CNKSR3: variants seen among roughly 807,000 people sequenced by gnomAD.
CNKSR3 encodes connector enhancer of kinase suppressor of ras 3.
In CNKSR3, 36 loss-of-function variants were observed where a neutral mutation model predicts 67.7. That is an observed-to-expected ratio of 0.53 (90% CI 0.41 to 0.70). The LOEUF is 0.70. Ranked by LOEUF, CNKSR3 falls within the 30% of genes least tolerant of loss-of-function variation. The pLI, the probability that CNKSR3 is intolerant of heterozygous loss-of-function variation, is 0.00. For synonymous variants in CNKSR3, 281 were observed against 271.4 expected (o/e 1.04, Z -0.35); for missense variants, 630 against 695.2 (o/e 0.91, Z 1.05).
chr6:154,428,254 T>G (rs1785295061), intron 6 of CNKSR3, 67 bp from the exon 7 acceptor site: 2 of 985,672 alleles, frequency 2.0e-6, no homozygotes, highest in Admixed American at 1.7e-5. Flanking sequence ...CGAGTGAGAC[T>G]TAAACTTATA....
chr6:154,433,413 C>G, intron 5 of CNKSR3, 53 bp downstream of exon 5: 1 of 1,247,300 alleles, frequency 8.0e-7, no homozygotes, highest in Non-Finnish European at 1.2e-6. Context: ...TAATGTGATT[C>G]CCACTGCCTT....
At position 154,389,632 on chromosome 6, in the gene CNKSR3, C is replaced by T. The variant is rs963154748; in HGVS notation, c.*16722G>A. On this transcript the variant is annotated 3_prime_UTR_variant, in exon 13 of 13. Transcript: ENST00000607772. ...TTTTGTCCCTGTCTTCAGATGACATCGTCTCATATATAGAACGCCCTAAGA... is the reference window on the plus strand; with the variant it reads ...TTTTGTCCCTGTCTTCAGATGACATTGTCTCATATATAGAACGCCCTAAGA... 4.6e-5 allele frequency: 7 copies of T among 152,060 alleles called. No individual in the cohort carries two copies. The highest frequency in any genetic ancestry group is 1.7e-4 in the African/African-American group (7 of 41,364). The allele number at this position is 152,060 out of a possible 1,614,324, so 9.4% of individuals were successfully genotyped here.
At chr6:154,501,585 T>C (rs1384043918) in intron 1 of CNKSR3, among the ~76,000 whole-genome samples, 1 of 152,026 alleles carries the variant, frequency 6.6e-6, no homozygotes, top group Admixed American at 6.6e-5. Flanking sequence ...TAGAATGCCC[T>C]TCTCCCTAAT....
At chr6:154,425,473 G>A (rs906941562) in intron 7 of CNKSR3, among the ~76,000 whole-genome samples, 4 of 152,166 alleles carry the variant, frequency 2.6e-5, no homozygotes, top group African/African-American at 9.7e-5. Flanking sequence ...TTCACCATGA[G>A]GAGGACTACT....
At chr6:154,505,590 C>CG (rs1787083862) in intron 1 of CNKSR3, among the ~76,000 whole-genome samples, 1 of 150,424 alleles carries the variant, frequency 6.6e-6, no homozygotes, top group Admixed American at 6.6e-5. Context: ...CTCCGCCTCC[C>CG]GGGTTCATGC....
chr6:154,482,682 G>C (rs945650796), intron 1 of CNKSR3, among the ~76,000 whole-genome samples: 1 of 152,202 alleles, frequency 6.6e-6, no homozygotes, highest in Non-Finnish European at 1.5e-5. Context: ...AGAAGGTGCT[G>C]ACCCCCAACT....
chr6:154,403,799 C>G lies in CNKSR3; in HGVS notation c.*2555G>C, dbSNP rs970295494. 6 of 152,096 alleles carry G rather than the reference C, an allele frequency of 3.9e-5. No individual in the cohort carries two copies. The highest frequency in any genetic ancestry group is 1.4e-4 in the African/African-American group (6 of 41,404). The allele number at this position is 152,096 out of a possible 1,614,324, so 9.4% of individuals were successfully genotyped here. A position where few individuals can be genotyped will look rare whatever the true frequency, so the allele number is the denominator to read the frequency against. On this transcript the variant is annotated 3_prime_UTR_variant, in exon 13 of 13. Coordinates refer to ENST00000607772, the MANE Select transcript of CNKSR3 (RefSeq NM_173515.4). The stretch of plus-strand genomic sequence containing the variant: ...CACTGCCTATAATGAAGACTGACTG[C>G]CGAATATTCACTTAAAGGATGGCTG...
chr6:154,430,631 T>C, intron 5 of CNKSR3, 40 bp from the exon 6 acceptor site: 1 of 1,573,944 alleles, frequency 6.4e-7, no homozygotes, highest in Non-Finnish European at 8.6e-7. Flanking sequence ...AGTTCAATCA[T>C]TAACCAAGTT....
intron 1 of CNKSR3, among the ~76,000 whole-genome samples, chr6:154,505,092 G>T (rs1195641781): frequency 6.6e-6 from 1 of 151,432 alleles, no homozygotes; most frequent in Non-Finnish European, 1.5e-5. Flanking sequence ...GGACCACAGA[G>T]ACTAAAAGAG....
intron 9 of CNKSR3, among the ~76,000 whole-genome samples, chr6:154,415,929 G>A (rs1465187903): frequency 6.6e-6 from 1 of 152,108 alleles, no homozygotes; most frequent in Non-Finnish European, 1.5e-5. Flanking sequence ...AGTCAAGGCA[G>A]GGAAATATTT....
chr6:154,458,609 T>G (rs1786008245), intron 1 of CNKSR3, among the ~76,000 whole-genome samples: 1 of 151,936 alleles, frequency 6.6e-6, no homozygotes, highest in Admixed American at 6.6e-5. Context: ...GCCTACTCCC[T>G]CCCTACAGCC....
chr6:154,468,735 T>C (rs1786262841), intron 1 of CNKSR3, among the ~76,000 whole-genome samples: 1 of 152,086 alleles, frequency 6.6e-6, no homozygotes, highest in African/African-American at 2.4e-5. Context: ...CAGGAAGCCA[T>C]TATGGAAAAA....
At chr6:154,414,197 G>T in intron 10 of CNKSR3, 102 bp downstream of exon 10, 1 of 1,269,246 alleles carries the variant, frequency 7.9e-7, no homozygotes, top group Non-Finnish European at 1.1e-6. Flanking sequence ...CTGTCACACT[G>T]TGGCTCAGCA....
In CNKSR3 at chr6:154,422,323, C is replaced by T. The variant is rs547191424; in HGVS notation, c.945+183G>A. Among the ~76,000 whole-genome samples the T allele has an allele frequency of 5.3e-5, 8 of 152,298 alleles. No individual in the cohort carries two copies. The South Asian group carries it at 1.7e-3, about 32-fold the overall frequency. ...TTAAATAGTCATATATGGTTACTGGCTACTATATATACTGTTCCATGTAGA... is the reference window on the plus strand; with the variant it reads ...TTAAATAGTCATATATGGTTACTGGTTACTATATATACTGTTCCATGTAGA... On this transcript the variant is annotated intron_variant, in intron 9 of 12. Transcript: ENST00000607772.
chr6:154,493,398 CTG>C (rs1222484180), intron 1 of CNKSR3, among the ~76,000 whole-genome samples: 1 of 152,198 alleles, frequency 6.6e-6, no homozygotes, highest in Non-Finnish European at 1.5e-5. Context: ...ATAGGAACTG[CTG>C]TCTCTTTCAT....
rs1050792747 is a variant in CNKSR3 at position 154,393,895 on chromosome 6, A to C, written c.*12459T>G. The C allele has an allele frequency of 1.1e-4, 17 of 152,236 alleles. No individual in the cohort carries two copies. Among genetic ancestry groups the C allele is most frequent in the Non-Finnish European group, 5.9e-5 (4 of 68,034 alleles). The allele number at this position is 152,236 out of a possible 1,614,324, so 9.4% of individuals were successfully genotyped here. On this transcript the variant is annotated 3_prime_UTR_variant, in exon 13 of 13. Transcript: ENST00000607772. ...TGGGGAAAATGTAGTCTTGAGTATT[A>C]ATATTAGAAAAGAGTTGTAAATTAA...
chr6:154,408,047 C>A (rs370526365), intron 12 of CNKSR3, among the ~76,000 whole-genome samples: 1 of 151,302 alleles, frequency 6.6e-6, no homozygotes, highest in Non-Finnish European at 1.5e-5. Flanking sequence ...TTTTTTGAGA[C>A]GGAGTCTCAC....
At chr6:154,469,566 G>A (rs961028298) in intron 1 of CNKSR3, among the ~76,000 whole-genome samples, 1 of 152,128 alleles carries the variant, frequency 6.6e-6, no homozygotes, top group African/African-American at 2.4e-5. Flanking sequence ...CATTGGCAAC[G>A]CTAGACAACA....
chr6:154,501,789 C>T (rs1787000254), intron 1 of CNKSR3, among the ~76,000 whole-genome samples: 1 of 152,174 alleles, frequency 6.6e-6, no homozygotes, highest in Admixed American at 6.5e-5. Context: ...TTGTCACCCA[C>T]ACATCTACCA....
Sources: allele counts gnomAD v4.1 joint callset (sites outside exome capture counted in the v4.1 genomes callset), GRCh38; gene constraint gnomAD v4.1.1; transcripts MANE v1.5; gene names NCBI Gene and HGNC (gene_info 2026-07-23, HGNC 2026-07-21).